CORIN: variants seen among roughly 807,000 people sequenced by gnomAD.
The protein encoded by CORIN is corin, serine peptidase, also known as atrial natriuretic peptide-converting enzyme.
In CORIN, 117 loss-of-function variants were observed where a neutral mutation model predicts 125.3. That is an observed-to-expected ratio of 0.93 (90% confidence interval 0.80 to 1.09). The LOEUF (loss-of-function observed/expected upper bound fraction) is 1.09. CORIN is among the 50% of genes least tolerant of loss of function. CORIN has a pLI of 0.00. For synonymous variants in CORIN, 450 were observed against 466.4 expected (o/e 0.96, Z 0.45); for missense variants, 1,253 against 1,306.7 (o/e 0.96, Z 0.63).
rs1228942739 is a variant in CORIN, at chr4:47,744,494, T to A, written c.707A>T (p.Asp236Val). The change falls in exon 5 of 22, where the codon GAT becomes GTT. Residue 236 changes from aspartate (D) to valine (V), a missense_variant. Transcript: ENST00000273857. ...TCTAAACTGGGAGCATCTGAGGAAA[T>A]CCGGCCAGGAGTAATTCACCATCCC... The part of the protein sequence containing the change: ...VLGMVNYSWP[D>V]FLRCSQFRNQ... 2 of 1,613,756 alleles carry A rather than the reference T, an allele frequency of 1.2e-6. No individual in the cohort carries two copies. Among genetic ancestry groups the A allele is most frequent in the Non-Finnish European group, 1.7e-6 (2 of 1,179,988 alleles).
At chr4:47,640,685 T>C (rs2109606090) in intron 16 of CORIN, among the ~76,000 whole-genome samples, 1 of 152,332 alleles carries the variant, frequency 6.6e-6, no homozygotes, top group Admixed American at 6.5e-5. Flanking sequence ...TATGCAAATA[T>C]TTAGAAGAAA....
intron 2 of CORIN, among the ~76,000 whole-genome samples, chr4:47,795,195 T>A (rs1232695456): frequency 6.6e-6 from 1 of 152,158 alleles, no homozygotes; most frequent in Admixed American, 6.5e-5. Context: ...TGCTGTAGCC[T>A]CATAATATAG....
chr4:47,684,459 T>C (rs750043146), intron 6 of CORIN, among the ~76,000 whole-genome samples: 60 of 152,226 alleles, frequency 3.9e-4, no homozygotes, highest in Non-Finnish European at 5.9e-4. Context: ...CTGATTTTAA[T>C]AGGAAAATAA....
chr4:47,794,880 T>C (rs1035748551), intron 2 of CORIN, among the ~76,000 whole-genome samples: 12 of 152,026 alleles, frequency 7.9e-5, no homozygotes, highest in South Asian at 2.1e-4. Flanking sequence ...TTGAAAGAGC[T>C]TTTTTTTCCG....
At chr4:47,717,820 A>C (rs1457061726) in intron 5 of CORIN, among the ~76,000 whole-genome samples, 1 of 152,212 alleles carries the variant, frequency 6.6e-6, no homozygotes, top group Non-Finnish European at 1.5e-5. Context: ...TTATGATTGC[A>C]GGTTGTAGGA....
chr4:47,693,157 A>G, intron 5 of CORIN, 74 bp from the exon 6 acceptor site: 3 of 944,008 alleles, frequency 3.2e-6, no homozygotes, highest in Admixed American at 2.2e-5. Context: ...AAAAATAAAT[A>G]CATAGAAAAT....
chr4:47,827,526 T>A (rs1732795559), intron 1 of CORIN, among the ~76,000 whole-genome samples: 1 of 152,132 alleles, frequency 6.6e-6, no homozygotes, highest in African/African-American at 2.4e-5. Context: ...TCTATGCACC[T>A]CTGCACCCAA....
chr4:47,687,461 CT>C (rs201183661), intron 6 of CORIN, among the ~76,000 whole-genome samples: 6 of 151,300 alleles, frequency 4.0e-5, no homozygotes, highest in African/African-American at 1.2e-4. Context: ...CTAGACACAC[CT>C]TTTTTTTTCT....
chr4:47,674,295 A>T (rs756741096), intron 10 of CORIN, 98 bp downstream of exon 10: 1 of 848,626 alleles, frequency 1.2e-6, no homozygotes, highest in Non-Finnish European at 2.0e-6. Flanking sequence ...GCTTTTTTGG[A>T]GGGATTCCAG....
At chr4:47,749,275 A>G (rs1200044687) in intron 4 of CORIN, among the ~76,000 whole-genome samples, 1 of 152,120 alleles carries the variant, frequency 6.6e-6, no homozygotes, top group Non-Finnish European at 1.5e-5. Context: ...TGGAATGTCA[A>G]CTTCATCATT....
intron 4 of CORIN, among the ~76,000 whole-genome samples, chr4:47,757,559 C>T (rs1157527864): frequency 6.6e-6 from 1 of 152,068 alleles, no homozygotes; most frequent in African/African-American, 2.4e-5. Flanking sequence ...CACACTACTA[C>T]ACTCCAGCCT....
At chr4:47,705,743 T>G (rs1479418869) in intron 5 of CORIN, among the ~76,000 whole-genome samples, 1 of 152,130 alleles carries the variant, frequency 6.6e-6, no homozygotes, top group African/African-American at 2.4e-5. Context: ...GGAAAGAAAT[T>G]TATTAACTGC....
chr4:47,611,418 G>A (rs1560471633), intron 19 of CORIN, among the ~76,000 whole-genome samples: 1 of 152,182 alleles, frequency 6.6e-6, no homozygotes, highest in Admixed American at 6.5e-5. Flanking sequence ...GTATAAAAAT[G>A]CTAGCAATTT....
intron 16 of CORIN, among the ~76,000 whole-genome samples, chr4:47,631,624 C>T (rs1360987832): frequency 5.9e-5 from 9 of 152,060 alleles, no homozygotes. Context: ...AAATAAAGTG[C>T]ACAATAAATG....
intron 21 of CORIN, among the ~76,000 whole-genome samples, chr4:47,598,366 T>C (rs1237283848): frequency 1.3e-5 from 2 of 152,202 alleles, no homozygotes; most frequent in African/African-American, 2.4e-5. Context: ...CTGGTATGCA[T>C]TTAGTATACC....
chr4:47,791,308 G>A (rs771593928), intron 2 of CORIN, among the ~76,000 whole-genome samples: 53 of 152,304 alleles, frequency 3.5e-4, no homozygotes, highest in South Asian at 6.2e-4. Context: ...AATGCAGGAA[G>A]CCCTAGAAGC....
intron 12 of CORIN, among the ~76,000 whole-genome samples, chr4:47,660,303 G>A (rs111708366): frequency 2.6e-5 from 4 of 152,146 alleles, no homozygotes; most frequent in African/African-American, 9.6e-5. Context: ...AATATCACAG[G>A]AACACAGACA....
chr4:47,693,753 T>C (rs962323557), intron 5 of CORIN, among the ~76,000 whole-genome samples: 1 of 152,230 alleles, frequency 6.6e-6, no homozygotes, highest in Non-Finnish European at 1.5e-5. Context: ...TATTTTGGTG[T>C]TCTTTTTCTC....
At chr4:47,769,553 A>G (rs1177146351) in intron 3 of CORIN, among the ~76,000 whole-genome samples, 4 of 152,094 alleles carry the variant, frequency 2.6e-5, no homozygotes, top group Admixed American at 2.6e-4. Flanking sequence ...ACACACAAAA[A>G]ACAAAGAACC....
Sources: allele counts gnomAD v4.1 joint callset (sites outside exome capture counted in the v4.1 genomes callset), GRCh38; gene constraint gnomAD v4.1.1; transcripts MANE v1.5; gene names NCBI Gene and HGNC (gene_info 2026-07-23, HGNC 2026-07-21).